Variants in MLLT10 observed in about 807,000 individuals in gnomAD.
MLLT10 encodes MLLT10 histone lysine methyltransferase DOT1L cofactor, also known as protein AF-10.
Under a neutral mutation model 129.1 loss-of-function variants are expected in MLLT10, and 30 were observed. The observed-to-expected ratio is 0.23, with a 90% CI of 0.17 to 0.32. The LOEUF is 0.32. MLLT10 is among the 10% of genes least tolerant of loss of function. The pLI is 1.00. For missense variants in MLLT10, 1,119 were observed against 1,268.3 expected (o/e 0.88, Z 1.79); for synonymous variants, 490 against 446.4 (o/e 1.10, Z -1.23).
At chr10:21,727,049 T>G (rs147166917) in intron 15 of MLLT10, among the ~76,000 whole-genome samples, 2 of 152,306 alleles carry the variant, frequency 1.3e-5, no homozygotes, top group African/African-American at 4.8e-5. Context: ...GGTTGACATG[T>G]CCAAGTAGTC....
intron 9 of MLLT10, among the ~76,000 whole-genome samples, chr10:21,667,483 G>A (rs1220494081): frequency 6.7e-6 from 1 of 148,734 alleles, no homozygotes. Flanking sequence ...CTAGTAGCAT[G>A]TAAATTAGGC....
chr10:21,624,539 A>C (rs2046233917), intron 8 of MLLT10: 1 of 1,121,134 alleles, frequency 8.9e-7, no homozygotes, highest in Non-Finnish European at 1.2e-6. Flanking sequence ...AAGAATGTAG[A>C]TCTAGAGCCA....
Position 21,742,048 on chromosome 10 carries a change from A to G in MLLT10, c.*65A>G. On this transcript the variant is annotated 3_prime_UTR_variant, in exon 23 of 23. Coordinates refer to ENST00000307729, the MANE Select transcript of MLLT10 (RefSeq NM_001195626.3). ...TAGCACTTCATCTGGCTGCCTTTGC[A>G]GTCCTTTTACTACAGCTATGAAGAA... The G allele has an allele frequency of 6.7e-6, 10 of 1,483,286 alleles. No homozygotes were observed. The highest frequency in any genetic ancestry group is 3.5e-5 in the South Asian group (3 of 86,164). 91.9% of individuals were successfully genotyped at this position (1,483,286 alleles called of 1,614,324 possible). A position where few individuals can be genotyped will look rare whatever the true frequency, so the allele number is the denominator to read the frequency against.
At chr10:21,588,431 A>G (rs2042203453) in intron 4 of MLLT10, among the ~76,000 whole-genome samples, 1 of 152,030 alleles carries the variant, frequency 6.6e-6, no homozygotes, top group South Asian at 2.1e-4. Flanking sequence ...TCTAATATCT[A>G]ATCAATCAGT....
At chr10:21,561,392 CTGGGACT>C (rs953347980) in intron 3 of MLLT10, among the ~76,000 whole-genome samples, 2 of 152,142 alleles carry the variant, frequency 1.3e-5, no homozygotes, top group Non-Finnish European at 2.9e-5. Context: ...TTCCGAGTAG[CTGGGACT>C]ACAGGCACAT....
chr10:21,652,604 A>T (rs2049155263), intron 9 of MLLT10, among the ~76,000 whole-genome samples: 1 of 152,216 alleles, frequency 6.6e-6, no homozygotes, highest in Non-Finnish European at 1.5e-5. Flanking sequence ...TGGGAAGTGC[A>T]GTAGGAGATG....
intron 9 of MLLT10, among the ~76,000 whole-genome samples, chr10:21,669,673 T>G (rs1046506761): frequency 6.6e-6 from 1 of 152,184 alleles, no homozygotes; most frequent in African/African-American, 2.4e-5. Context: ...ACATGGTGAT[T>G]AATGTGCATC....
chr10:21,550,891 T>TAATTAAAAATTACGTGAAAAC (rs11275375), intron 3 of MLLT10, among the ~76,000 whole-genome samples: 2 of 150,514 alleles, frequency 1.3e-5, no homozygotes, highest in African/African-American at 4.9e-5. Flanking sequence ...TTTATTCACA[T>TAATTAAAAATTACGTGAAAAC]AATTAAAAAT....
chr10:21,639,600 C>T (rs754700276), intron 8 of MLLT10, among the ~76,000 whole-genome samples: 5 of 152,052 alleles, frequency 3.3e-5, no homozygotes, highest in Non-Finnish European at 7.4e-5. Context: ...TTTGTTATAC[C>T]GAGTTCACTG....
intron 8 of MLLT10, among the ~76,000 whole-genome samples, chr10:21,633,321 T>G (rs980251376): frequency 1.3e-5 from 2 of 152,270 alleles, no homozygotes; most frequent in South Asian, 4.1e-4. Flanking sequence ...GTAACACTTA[T>G]GATTTAGAAT....
intron 5 of MLLT10, among the ~76,000 whole-genome samples, chr10:21,610,094 A>G (rs1412687550): frequency 6.6e-6 from 1 of 151,924 alleles, no homozygotes; most frequent in East Asian, 1.9e-4. Context: ...CTGAAGAGAC[A>G]CTCTTGCTCT....
At chr10:21,696,538 T>C (rs1208455800) in intron 13 of MLLT10, among the ~76,000 whole-genome samples, 3 of 152,236 alleles carry the variant, frequency 2.0e-5, no homozygotes, top group Non-Finnish European at 4.4e-5. Flanking sequence ...ATTTTTAGTC[T>C]TCATCTTAGA....
chr10:21,534,538 T>C lies in MLLT10; in HGVS notation c.-1+18T>C. The C allele has an allele frequency of 1.0e-6, 1 of 980,076 alleles. No homozygotes were observed. The highest frequency in any genetic ancestry group is 2.4e-5 in the African/African-American group (1 of 41,464). 60.7% of individuals were successfully genotyped at this position (980,076 alleles called of 1,614,324 possible). A position where few individuals can be genotyped will look rare whatever the true frequency, so the allele number is the denominator to read the frequency against. ...AAGCCCGAGTGAGCGAGCGGTGGGC[T>C]GCCGGGCCGGGCGGGGGGCGCCGGG... On this transcript the variant is annotated intron_variant, in intron 1 of 22. Transcript: ENST00000307729.
At chr10:21,670,756 G>A in intron 10 of MLLT10, 52 bp downstream of exon 10, 3 of 1,530,458 alleles carry the variant, frequency 2.0e-6, no homozygotes, top group South Asian at 2.6e-5. Flanking sequence ...GTTAATAATA[G>A]TTATGCTTTG....
intron 14 of MLLT10, among the ~76,000 whole-genome samples, chr10:21,725,445 G>A (rs776577990): frequency 2.0e-5 from 3 of 152,164 alleles, no homozygotes; most frequent in Non-Finnish European, 4.4e-5. Context: ...ATGGCCAGGC[G>A]CGGTGGCTCA....
intron 16 of MLLT10, among the ~76,000 whole-genome samples, chr10:21,729,490 T>G (rs951550451): frequency 6.6e-6 from 1 of 152,248 alleles, no homozygotes; most frequent in Non-Finnish European, 1.5e-5. Context: ...GATGGCCAAC[T>G]GTATGTGGCC....
Position 21,730,118 on chromosome 10 carries a change from C to G in MLLT10, c.2064-782C>G, listed in dbSNP as rs545426117. The stretch of plus-strand genomic sequence containing the variant: ...CTCCGTCTCCCCTGCCCAACCTCCC[C>G]CACCGCCGCCTCCCCGCCCAAAAAA... On this transcript the variant is annotated intron_variant, in intron 16 of 22. Transcript: ENST00000307729. Among the ~76,000 whole-genome samples, 325 of 151,720 alleles carry G rather than the reference C, an allele frequency of 2.1e-3. 4 individuals carry two copies. The highest frequency in any genetic ancestry group is 4.3e-3 in the Admixed American group (65 of 15,268).
intron 8 of MLLT10, among the ~76,000 whole-genome samples, chr10:21,650,197 A>T (rs951483461): frequency 3.3e-5 from 5 of 151,640 alleles, no homozygotes; most frequent in East Asian, 1.9e-4. Flanking sequence ...AAATACATAT[A>T]AAAAAAAGCC....
Position 21,534,735 on chromosome 10 carries a change from G to C in MLLT10, c.91G>C (p.Glu31Gln). The change falls in exon 2 of 23, where the codon GAG (glutamate) becomes CAG (glutamine). Residue 31 changes from glutamate to glutamine, a missense_variant. Glu to Gln is a conservative substitution (Grantham distance 29). Coordinates refer to ENST00000307729, the MANE Select transcript of MLLT10 (RefSeq NM_001195626.3). ...TGGAGGCTGTTGCGTTTGCTCAGAC[G>C]AGAGAGGCTGGGCCGAGAACCCGCT... ...MIGGCCVCSDERGWAENPLVY... is the reference protein window; with the variant it reads ...MIGGCCVCSDQRGWAENPLVY... 6.2e-7 allele frequency: 1 copy of C among 1,613,414 alleles called. No individual in the cohort carries two copies. The highest frequency in any genetic ancestry group is 8.5e-7 in the Non-Finnish European group (1 of 1,179,532).
Sources: gnomAD v4.1 joint callset for allele counts (sites outside exome capture counted in the v4.1 genomes callset) on GRCh38, gnomAD v4.1.1 for gene constraint, MANE v1.5 for transcripts, NCBI Gene and HGNC (gene_info 2026-07-23, HGNC 2026-07-21) for gene names.